Variants in TMC3 observed in about 807,000 individuals in gnomAD.
The protein encoded by TMC3 is transmembrane channel-like protein 3.
In TMC3, 98 loss-of-function variants were observed where a neutral mutation model predicts 110.6. The observed-to-expected ratio is 0.89, with a 90% confidence interval of 0.75 to 1.05. The LOEUF is 1.05. Ranked by LOEUF, TMC3 falls within the 50% of genes least tolerant of loss-of-function variation. The pLI, the probability that TMC3 is intolerant of heterozygous loss-of-function variation, is 0.00. For synonymous variants in TMC3, 489 were observed against 513.1 expected, an observed-to-expected ratio of 0.95 and a Z score of 0.63; for missense variants, 1,319 against 1,373.2, an observed-to-expected ratio of 0.96 and a Z score of 0.62.
At chr15:81,354,131 C>A (rs1894008354) in intron 9 of TMC3, among the ~76,000 whole-genome samples, 1 of 152,232 alleles carries the variant, frequency 6.6e-6, no homozygotes. Context: ...CCCTGTCTGA[C>A]TTCAATTGGC....
At chr15:81,357,776 C>T (rs1894097645) in intron 7 of TMC3, among the ~76,000 whole-genome samples, 1 of 152,204 alleles carries the variant, frequency 6.6e-6, no homozygotes, top group Admixed American at 6.5e-5. Context: ...GATCATATTG[C>T]TTATGTCCCT....
chr15:81,366,767 A>G (rs1272770602), intron 3 of TMC3, among the ~76,000 whole-genome samples: 5 of 152,224 alleles, frequency 3.3e-5, no homozygotes, highest in Admixed American at 3.3e-4. Flanking sequence ...TGTGAAGAGT[A>G]AGAAGAAAGA....
chr15:81,341,554 T>C (rs1334847733), intron 15 of TMC3, 36 bp from the exon 16 acceptor site: 2 of 1,592,546 alleles, frequency 1.3e-6, no homozygotes. Flanking sequence ...GCATCTGTTC[T>C]CTTTCAGCCT....
Position 81,358,148 on chromosome 15 carries a change from C to A in TMC3, c.743+1G>T. 6.3e-7 allele frequency: 1 copy of A among 1,589,300 alleles called. No individual in the cohort carries two copies. The highest frequency in any genetic ancestry group is 8.5e-7 in the Non-Finnish European group (1 of 1,169,962). On this transcript the variant is annotated splice_donor_variant, in intron 7 of 21. Transcript: ENST00000359440. LOFTEE classifies it high-confidence loss of function. ...TATTTTGAGAAATTGAGCAGTCATACTTTTTTAAAAGAATGATGAAGCTGT... is the reference window on the plus strand; with the variant it reads ...TATTTTGAGAAATTGAGCAGTCATAATTTTTTAAAAGAATGATGAAGCTGT...
chr15:81,336,706 A>G (rs1390443444), intron 19 of TMC3, 55 bp from the exon 20 acceptor site: 14 of 1,555,582 alleles, frequency 9.0e-6, no homozygotes, highest in Non-Finnish European at 1.2e-5. Context: ...AGCAGTAACA[A>G]ATATTATTCC....
chr15:81,341,711 G>A (rs999285920), intron 15 of TMC3, 193 bp from the exon 16 acceptor site: 8 of 444,434 alleles, frequency 1.8e-5, no homozygotes, highest in Non-Finnish European at 3.2e-5. Flanking sequence ...CACTGAAGGT[G>A]GGTATTGATC....
chr15:81,353,523 T>C (rs914778240), intron 9 of TMC3, among the ~76,000 whole-genome samples: 4 of 152,210 alleles, frequency 2.6e-5, no homozygotes, highest in Non-Finnish European at 5.9e-5. Context: ...TTATACCACA[T>C]TTTTATTGTA....
intron 1 of TMC3, 46 bp downstream of exon 1, chr15:81,373,943 C>T (rs1397029067): frequency 1.9e-6 from 3 of 1,578,976 alleles, no homozygotes; most frequent in Admixed American, 3.5e-5. Context: ...ATTCCTTCCT[C>T]ACACACCTGA....
chr15:81,359,751 C>A (rs1331586582), intron 4 of TMC3, among the ~76,000 whole-genome samples: 1 of 152,156 alleles, frequency 6.6e-6, no homozygotes, highest in East Asian at 1.9e-4. Flanking sequence ...ATGGTCTTAT[C>A]AAATTTACAA....
intron 9 of TMC3, 69 bp downstream of exon 9, chr15:81,355,655 TG>T: frequency 1.0e-6 from 1 of 952,968 alleles, no homozygotes; most frequent in Non-Finnish European, 1.7e-6. Context: ...ATAGATGATC[TG>T]GTAGTTTTTG....
chr15:81,348,993 A>T (rs545268108), intron 11 of TMC3, among the ~76,000 whole-genome samples: 22 of 151,756 alleles, frequency 1.4e-4, no homozygotes, highest in East Asian at 5.8e-4. Flanking sequence ...TTAATTTTTT[A>T]AATTTTTTTT....
intron 1 of TMC3, among the ~76,000 whole-genome samples, 172 bp downstream of exon 1, chr15:81,373,817 G>A (rs7161936): frequency 0.84 from 128,272 of 152,172 alleles, 54,553 homozygotes; most frequent in African/African-American, 0.89. Flanking sequence ...CCCCATGCCC[G>A]TTGCTGAGGT....
intron 16 of TMC3, 76 bp downstream of exon 16, chr15:81,341,314 C>G: frequency 4.1e-6 from 6 of 1,450,864 alleles, no homozygotes; most frequent in Non-Finnish European, 5.5e-6. Flanking sequence ...TGCTAGAGGA[C>G]CCCTGGGTAA....
At position 81,332,887 on chromosome 15, in the gene TMC3, CTCT is replaced by C. The variant is rs556446587; in HGVS notation, c.2832_2834del (p.Glu947del). On this transcript the variant is annotated inframe_deletion, in exon 22 of 22. Coordinates refer to ENST00000359440, the MANE Select transcript of TMC3 (RefSeq NM_001080532.3). ...TCCAATCTCTGCTTGGCGTCTCCTC[CTCT>C]TCTTCACTCAGCTGTGGGGAGGGAG... 1.9e-3 allele frequency: 3,132 copies of C among 1,613,356 alleles called. 12 individuals carry two copies. Among genetic ancestry groups the C allele is most frequent in the Middle Eastern group, 0.014 (84 of 6,060 alleles).
In TMC3 at chr15:81,349,582, C is replaced by T; in HGVS notation, c.1084-15G>A. ...ACCACACTGACCTGCTGAGAGAGCA[C>T]ATGCCAGAGCCAGACATTCCCAGGA... On this transcript the variant is annotated splice_polypyrimidine_tract_variant and intron_variant, in intron 10 of 21. Transcript: ENST00000359440. 1 of 1,431,104 alleles carries T rather than the reference C, an allele frequency of 7.0e-7. No homozygotes were observed. Among genetic ancestry groups the T allele is most frequent in the Non-Finnish European group, 9.2e-7 (1 of 1,084,486 alleles). 88.7% of individuals were successfully genotyped at this position (1,431,104 alleles called of 1,614,324 possible).
chr15:81,338,784 T>G lies in TMC3; in HGVS notation c.1956-4A>C. On this transcript the variant is annotated splice_polypyrimidine_tract_variant and splice_region_variant and intron_variant, in intron 17 of 21. Coordinates refer to ENST00000359440, the MANE Select transcript of TMC3 (RefSeq NM_001080532.3). ...GTCATAAATTTTCTCTTGTCCACTGTGAGAAAGAAAAACATAACTCCAGAT... is the reference window on the plus strand; with the variant it reads ...GTCATAAATTTTCTCTTGTCCACTGGGAGAAAGAAAAACATAACTCCAGAT... 1 of 1,613,230 alleles carries G rather than the reference T, an allele frequency of 6.2e-7. No homozygotes were observed. The highest frequency in any genetic ancestry group is 8.5e-7 in the Non-Finnish European group (1 of 1,179,626).
chr15:81,373,866 T>G, intron 1 of TMC3, 123 bp downstream of exon 1: 1 of 878,298 alleles, frequency 1.1e-6, no homozygotes, highest in Non-Finnish European at 1.8e-6. Flanking sequence ...GAAGTGAGTT[T>G]CTGAGTTCAT....
In TMC3 at chr15:81,374,037, C is replaced by G. The variant is rs535123010; in HGVS notation, c.41G>C (p.Arg14Pro). 1.2e-6 allele frequency: 2 copies of G among 1,613,798 alleles called. No individual in the cohort carries two copies. The highest frequency in any genetic ancestry group is 3.3e-5 in the Admixed American group (2 of 59,998). The change falls in exon 1 of 22, where the codon CGG becomes CCG. Residue 14 changes from arginine (R) to proline (P), a missense_variant. Arg to Pro is a moderately radical substitution (Grantham distance 103). Coordinates refer to ENST00000359440, the MANE Select transcript of TMC3 (RefSeq NM_001080532.3). ...GAGGTAGCACTGGCTGGCATTTCTC[C>G]GGATGCCTCTATAGCGCTGGGATGC... ...SKASQRYRGI[R>P]RNASQCYLYQ...
chr15:81,348,035 C>T (rs1022216755), intron 11 of TMC3, among the ~76,000 whole-genome samples: 6 of 152,216 alleles, frequency 3.9e-5, no homozygotes, highest in African/African-American at 1.4e-4. Context: ...CCAAACCGTA[C>T]CCTTGCCTAT....
Sources: allele counts gnomAD v4.1 joint callset (sites outside exome capture counted in the v4.1 genomes callset), GRCh38; gene constraint gnomAD v4.1.1; transcripts MANE v1.5; gene names NCBI Gene and HGNC (gene_info 2026-07-23, HGNC 2026-07-21).